The following RECQL4 variants were observed in gnomAD, a reference collection of about 807,000 sequenced individuals.
The protein encoded by RECQL4 is RecQ like helicase 4, also known as ATP-dependent DNA helicase Q4.
Under a neutral mutation model 128.6 loss-of-function variants are expected in RECQL4, and 158 were observed. The ratio of observed to expected loss-of-function variants is 1.23; its 90% CI spans 1.08 to 1.40. The LOEUF is 1.40. RECQL4 is among the 40% of genes most tolerant of loss of function. The probability of loss-of-function intolerance (pLI) is 0.00; values close to 1 mark genes in which losing one functional copy is unlikely to be tolerated. For synonymous variants in RECQL4, 996 were observed against 678.9 expected, an observed-to-expected ratio of 1.47 and a Z score of -7.26; for missense variants, 2,293 against 1,649.8, an observed-to-expected ratio of 1.39 and a Z score of -6.75.
In RECQL4 at chr8:144,512,491, C is replaced by T. The variant is rs1362276556; in HGVS notation, c.2956G>A (p.Glu986Lys). The T allele has an allele frequency of 2.5e-6, 4 of 1,612,360 alleles. No individual in the cohort carries two copies. Among genetic ancestry groups the T allele is most frequent in the Admixed American group, 3.3e-5 (2 of 59,992 alleles). The part of the protein sequence containing the change: ...EDPGQGSSSV[E>K]FDMVKLVDSM... The stretch of plus-strand genomic sequence containing the variant: ...TCCACCAGCTTGACCATGTCAAACT[C>T]CACGGAGCTGCTGCCTTGCCCTGGG... Residue 986 changes from glutamate (E) to lysine (K), a missense_variant, in exon 17 of 21, where the codon GAG becomes AAG. Transcript: ENST00000617875.
chr8:144,517,673 A>G (rs1815417558), intron 1 of RECQL4, 28 bp downstream of exon 1: 4 of 1,462,204 alleles, frequency 2.7e-6, no homozygotes, highest in Non-Finnish European at 3.6e-6. Flanking sequence ...CCGCGCCCTC[A>G]GCCCCTCGGC....
At position 144,512,985 on chromosome 8, in the gene RECQL4, G is replaced by C. The variant is rs751230101; in HGVS notation, c.2617C>G (p.Pro873Ala). 1.9e-6 allele frequency: 3 copies of C among 1,570,446 alleles called. No homozygotes were observed. Among genetic ancestry groups the C allele is most frequent in the Middle Eastern group, 1.7e-4 (1 of 6,006 alleles). ...EQEGAVGGER[P>A]VPKYPPQEAE... Reference sequence around the variant, plus strand: ...TCTTGAGGGGGGTACTTGGGCACAGGCCTCTCCCCACCCACGGCCCCTTCC... The same window carrying C: ...TCTTGAGGGGGGTACTTGGGCACAGCCCTCTCCCCACCCACGGCCCCTTCC... The change falls in exon 15 of 21, where the codon CCT becomes GCT. Residue 873 changes from proline to alanine, a missense_variant. Pro to Ala is a conservative substitution (Grantham distance 27). Coordinates refer to ENST00000617875, the MANE Select transcript of RECQL4 (RefSeq NM_004260.4).
rs768352855 is a variant in RECQL4 at position 144,512,736 on chromosome 8, G to A, written c.2791C>T (p.Pro931Ser). The A allele has an allele frequency of 8.1e-6, 13 of 1,612,146 alleles. No individual in the cohort carries two copies. Among genetic ancestry groups the A allele is most frequent in the African/African-American group, 2.7e-5 (2 of 74,952 alleles). ...ETLLCYLELH[P>S]HHWLELLATT... is the part of the protein sequence containing the mutation. ...GCCAGCAGCTCCAGCCAGTGGTGTG[G>A]GTGCAGCTCCAGGTAGCACAGCAAA... Residue 931 changes from proline (P) to serine (S), a missense_variant, in exon 16 of 21, where the codon CCA becomes TCA. Coordinates refer to ENST00000617875, the MANE Select transcript of RECQL4 (RefSeq NM_004260.4).
chr8:144,516,342 G>A lies in RECQL4; in HGVS notation c.777C>T (p.Gly259=), dbSNP rs201571855. 52 of 1,609,496 alleles carry A rather than the reference G, an allele frequency of 3.2e-5. No homozygotes were observed. Among genetic ancestry groups the A allele is most frequent in the Non-Finnish European group, 4.1e-5 (48 of 1,179,532 alleles). The change falls in exon 5 of 21, where the codon GGC becomes GGT. Residue 259 remains glycine (G), a synonymous_variant. Transcript: ENST00000617875. The part of the protein sequence containing the change: ...VGSPQPSSSG[G]EKRRWNEEPW... ...GCTCCTCGTTCCATCTCCGCTTCTC[G>A]CCTCCACTGCTGCTGGGCTGGGGGC...
In RECQL4 at chr8:144,511,524, C is replaced by T. The variant is rs1372294758; in HGVS notation, c.3534G>A (p.Gly1178=). The T allele has an allele frequency of 6.2e-7, 1 of 1,612,574 alleles. No individual in the cohort carries two copies. Among genetic ancestry groups the T allele is most frequent in the Admixed American group, 1.7e-5 (1 of 60,022 alleles). Residue 1178 remains glycine, a synonymous_variant, in exon 21 of 21, where the codon GGG becomes GGA. Coordinates refer to ENST00000617875, the MANE Select transcript of RECQL4 (RefSeq NM_004260.4). ...ATTTTCTCCAGAAGCGTCGGTCCTG[C>T]CCGTACACCTGGGCCGGGTAGCAGG... ...GSPCYPAQVY[G]QDRRFWRKYL...
chr8:144,516,982 C>T, intron 4 of RECQL4, 68 bp downstream of exon 4: 1 of 1,549,262 alleles, frequency 6.5e-7, no homozygotes, highest in Non-Finnish European at 8.7e-7. Flanking sequence ...GAAAAAATGA[C>T]AAGAGGGCGA....
chr8:144,513,439 T>A lies in RECQL4; in HGVS notation c.2242A>T (p.Met748Leu), dbSNP rs370755504. The A allele has an allele frequency of 1.9e-5, 31 of 1,609,802 alleles. No homozygotes were observed. In the African/African-American group the frequency reaches 2.9e-4, roughly 15 times the overall value. The change falls in exon 14 of 21, where the codon ATG becomes TTG. Residue 748 changes from methionine (M) to leucine (L), a missense_variant. Met to Leu is a conservative substitution (Grantham distance 15). Transcript: ENST00000617875. The stretch of plus-strand genomic sequence containing the variant: ...ACCCGCCGCCGTTCCCGGCTGCACA[T>A]GCCCGCGTGGTAGGCCTCGGCTGTG... Reference protein sequence around the residue: ...KTTAEAYHAGMCSRERRRVQR... With the variant: ...KTTAEAYHAGLCSRERRRVQR...
In RECQL4 at chr8:144,511,294, C is replaced by T. The variant is rs575210383; in HGVS notation, c.*137G>A. ...CATTGGCCAAGAGGGCCCATAAAAA[C>T]AAAGTGAGCATTTTTTATTCTGCAT... On this transcript the variant is annotated 3_prime_UTR_variant, in exon 21 of 21. Transcript: ENST00000617875. 7.3e-5 allele frequency: 112 copies of T among 1,539,748 alleles called. No individual in the cohort carries two copies. Among genetic ancestry groups the T allele is most frequent in the Admixed American group, 5.5e-4 (29 of 53,010 alleles).
intron 12 of RECQL4, 54 bp downstream of exon 12, chr8:144,513,874 C>T (rs1329735592): frequency 2.6e-6 from 4 of 1,518,668 alleles, no homozygotes; most frequent in African/African-American, 1.4e-5. Context: ...GAGGGGTCGG[C>T]GTGGGCAGTC....
At position 144,514,995 on chromosome 8, in the gene RECQL4, GGCTGTA is replaced by G. The variant is rs1210416985; in HGVS notation, c.1555_1560del (p.Tyr519_Ser520del). Reference sequence around the variant, plus strand: ...ACCAACGTGAGGCAGGGGCTGCGCCGGCTGTAGAGCAGCGCTGGGAGCTGGTAGCAC... The same window carrying G: ...ACCAACGTGAGGCAGGGGCTGCGCCGGAGCAGCGCTGGGAGCTGGTAGCAC... On this transcript the variant is annotated inframe_deletion, in exon 9 of 21. Coordinates refer to ENST00000617875, the MANE Select transcript of RECQL4 (RefSeq NM_004260.4). 1 of 1,611,452 alleles carries G rather than the reference GGCTGTA, an allele frequency of 6.2e-7. No individual in the cohort carries two copies. The highest frequency in any genetic ancestry group is 8.5e-7 in the Non-Finnish European group (1 of 1,179,458).
rs1172035913 is a variant in RECQL4 at position 144,512,374 on chromosome 8, G to T, written c.3055+18C>A. ...GGCAGGCAGCGTCCAGGGCGGTGTGGGGTGGGGAGAGGCGCACCTGTCCTG... is the reference window on the plus strand; with the variant it reads ...GGCAGGCAGCGTCCAGGGCGGTGTGTGGTGGGGAGAGGCGCACCTGTCCTG... On this transcript the variant is annotated intron_variant, in intron 17 of 20. Transcript: ENST00000617875. 1 of 1,608,466 alleles carries T rather than the reference G, an allele frequency of 6.2e-7. No individual in the cohort carries two copies. The highest frequency in any genetic ancestry group is 1.1e-5 in the South Asian group (1 of 91,008).
rs761949478 is a variant in RECQL4 at position 144,511,806 on chromosome 8, A to G, written c.3394-17T>C. The G allele has an allele frequency of 2.7e-5, 43 of 1,611,972 alleles. No homozygotes were observed. Among genetic ancestry groups the G allele is most frequent in the African/African-American group, 4.0e-5 (3 of 74,932 alleles). On this transcript the variant is annotated splice_polypyrimidine_tract_variant and intron_variant, in intron 19 of 20. Transcript: ENST00000617875. Reference sequence around the variant, plus strand: ...ATCCTGGAGCTGTGTGGACAGGCACATCAGGCTTCCTCTGAGCTCCCGTGG... The same window carrying G: ...ATCCTGGAGCTGTGTGGACAGGCACGTCAGGCTTCCTCTGAGCTCCCGTGG...
At position 144,514,211 on chromosome 8, in the gene RECQL4, G is replaced by A. The variant is rs1586809939; in HGVS notation, c.1856C>T (p.Pro619Leu). The part of the protein sequence containing the change: ...CLSQWSHNFR[P>L]CYLRVCKVLR... ...CACCTTGCAGACGCGCAGGTAGCAG[G>A]GCCGGAAGTTGTGGGACCACTGGGA... Residue 619 changes from proline (P) to leucine (L), a missense_variant, in exon 11 of 21, where the codon CCC (proline) becomes CTC (leucine). Pro to Leu is a moderately conservative substitution (Grantham distance 98). Coordinates refer to ENST00000617875, the MANE Select transcript of RECQL4 (RefSeq NM_004260.4). The A allele has an allele frequency of 1.9e-6, 3 of 1,612,384 alleles. No homozygotes were observed. The highest frequency in any genetic ancestry group is 2.5e-6 in the Non-Finnish European group (3 of 1,179,756).
Position 144,514,476 on chromosome 8 carries a change from A to G in RECQL4, c.1670T>C (p.Met557Thr), listed in dbSNP as rs1432340675. The G allele has an allele frequency of 6.2e-7, 1 of 1,612,358 alleles. No homozygotes were observed. Among genetic ancestry groups the G allele is most frequent in the Non-Finnish European group, 8.5e-7 (1 of 1,179,620 alleles). ...GACAGATTCCCGTTGCTTCCTGGTC[A>G]TGCCCGAGTGTATGCAGGCCGCCTT... ...CLKAACIHSG[M>T]TRKQRESVLQ... The change falls in exon 10 of 21, where the codon ATG (methionine) becomes ACG (threonine). Residue 557 changes from methionine (M) to threonine (T), a missense_variant. Physicochemically the swap from Met to Thr is moderately conservative, Grantham distance 81. Coordinates refer to ENST00000617875, the MANE Select transcript of RECQL4 (RefSeq NM_004260.4).
chr8:144,516,199 G>A lies in RECQL4; in HGVS notation c.920C>T (p.Pro307Leu). 3 of 1,613,374 alleles carry A rather than the reference G, an allele frequency of 1.9e-6. No individual in the cohort carries two copies. The highest frequency in any genetic ancestry group is 2.2e-5 in the South Asian group (2 of 91,084). The change falls in exon 5 of 21, where the codon CCA becomes CTA. Residue 307 changes from proline to leucine, a missense_variant. Coordinates refer to ENST00000617875, the MANE Select transcript of RECQL4 (RefSeq NM_004260.4). ...DPPGEPVQAQPPQPCSSPSNP... is the reference protein window; with the variant it reads ...DPPGEPVQAQLPQPCSSPSNP... ...CGATGGGCTGCTGCAGGGCTGAGGTGGCTGTGCCTGTACAGGTTCCCCTGG... is the reference window on the plus strand; with the variant it reads ...CGATGGGCTGCTGCAGGGCTGAGGTAGCTGTGCCTGTACAGGTTCCCCTGG...
At position 144,512,965 on chromosome 8, in the gene RECQL4, A is replaced by AG. The variant is rs1215700016; in HGVS notation, c.2636dup (p.Gln880SerfsTer4). 5.1e-6 allele frequency: 8 copies of AG among 1,571,734 alleles called. No individual in the cohort carries two copies. Among genetic ancestry groups the AG allele is most frequent in the African/African-American group, 2.7e-5 (2 of 73,844 alleles). On this transcript the variant is annotated frameshift_variant, in exon 15 of 21. Coordinates refer to ENST00000617875, the MANE Select transcript of RECQL4 (RefSeq NM_004260.4). LOFTEE classifies it high-confidence loss of function. The stretch of plus-strand genomic sequence containing the variant: ...GGTGGCTAAGCTGCTCAGCCTCTTG[A>AG]GGGGGGTACTTGGGCACAGGCCTCT...
Position 144,513,494 on chromosome 8 carries a change from AG to A in RECQL4, c.2201-15del. On this transcript the variant is annotated splice_polypyrimidine_tract_variant and intron_variant, in intron 13 of 20. Coordinates refer to ENST00000617875, the MANE Select transcript of RECQL4 (RefSeq NM_004260.4). ...TGGGGGCACGACCTTTGGGGAAGACAGGCAGATGGTCAGTGGGATGGGACCA... is the reference window on the plus strand; with the variant it reads ...TGGGGGCACGACCTTTGGGGAAGACAGCAGATGGTCAGTGGGATGGGACCA... The A allele has an allele frequency of 6.2e-7, 1 of 1,610,296 alleles. No individual in the cohort carries two copies. The highest frequency in any genetic ancestry group is 8.5e-7 in the Non-Finnish European group (1 of 1,179,754).
In RECQL4 at chr8:144,517,405, C is replaced by A; in HGVS notation, c.213+9G>T. ...GTGGGAGGAGGCTGGGGCGGCGGGGCCTGGGTACCTCTTCGGCCGCCGCGG... is the reference window on the plus strand; with the variant it reads ...GTGGGAGGAGGCTGGGGCGGCGGGGACTGGGTACCTCTTCGGCCGCCGCGG... On this transcript the variant is annotated intron_variant, in intron 3 of 20. Transcript: ENST00000617875. The A allele has an allele frequency of 1.3e-6, 2 of 1,562,450 alleles. No individual in the cohort carries two copies. The highest frequency in any genetic ancestry group is 1.9e-5 in the Admixed American group (1 of 53,962).
chr8:144,514,873 C>G (rs1274703705), intron 9 of RECQL4, 63 bp downstream of exon 9: 17 of 1,581,704 alleles, frequency 1.1e-5, no homozygotes, highest in Non-Finnish European at 1.4e-5. Context: ...CAGCAGTTGC[C>G]CTTGGGAGTC....
Sources: gnomAD v4.1 joint callset for allele counts on GRCh38, gnomAD v4.1.1 for gene constraint, MANE v1.5 for transcripts, NCBI Gene and HGNC (gene_info 2026-07-23, HGNC 2026-07-21) for gene names.